The following ODAM variants were observed in gnomAD, a reference collection of about 807,000 sequenced individuals.
The protein encoded by ODAM is odontogenic, ameloblast associated.
ODAM carries 55 observed loss-of-function variants against 48.5 expected under a neutral mutation model. That is an observed-to-expected ratio of 1.13 (90% CI 0.91 to 1.42). The LOEUF (loss-of-function observed/expected upper bound fraction) is 1.42. Ranked by LOEUF, ODAM falls within the 40% of genes most tolerant of loss-of-function variation. ODAM has a pLI of 0.00. For missense variants in ODAM, 353 were observed against 323.6 expected (o/e 1.09, Z -0.70); for synonymous variants, 127 against 107.8 (o/e 1.18, Z -1.10).
In ODAM at chr4:70,198,558, TATA is replaced by T. The variant is rs1315150392; in HGVS notation, c.376-18_376-16del. The T allele has an allele frequency of 3.2e-6, 5 of 1,571,902 alleles. No individual in the cohort carries two copies. Among genetic ancestry groups the T allele is most frequent in the Non-Finnish European group, 4.3e-6 (5 of 1,158,296 alleles). The stretch of plus-strand genomic sequence containing the variant: ...TAACAAAGTCAAGCATACATTTTTA[TATA>T]ATTCTTTTTTTTGGCAGGTGATGCC... On this transcript the variant is annotated intron_variant, in intron 5 of 11. Coordinates refer to ENST00000683306, the MANE Select transcript of ODAM (RefSeq NM_017855.4).
chr4:70,200,361 C>T lies in ODAM; in HGVS notation c.424-136C>T, dbSNP rs941272718. 4 of 544,096 alleles carry T rather than the reference C, an allele frequency of 7.4e-6. No homozygotes were observed. The African/African-American group carries it at 7.8e-5, about 11-fold the overall frequency. The allele number at this position is 544,096 out of a possible 1,614,324, so 33.7% of individuals were successfully genotyped here. ...CAAAGTTTGGGAAGGGATTCTTCAT[C>T]TATTTGCTTTGTATTTAATCATATA... is the stretch of plus-strand genomic sequence containing the variant. On this transcript the variant is annotated intron_variant, in intron 6 of 11. Coordinates refer to ENST00000683306, the MANE Select transcript of ODAM (RefSeq NM_017855.4).
At chr4:70,202,487 T>C (rs1729522281) in intron 9 of ODAM, among the ~76,000 whole-genome samples, 158 bp downstream of exon 9, 1 of 151,982 alleles carries the variant, frequency 6.6e-6, no homozygotes, top group Non-Finnish European at 1.5e-5. Flanking sequence ...TTCAGTTCAC[T>C]CTTACTCAGT....
chr4:70,201,983 C>T (rs1729503327), intron 8 of ODAM, among the ~76,000 whole-genome samples: 1 of 151,742 alleles, frequency 6.6e-6, no homozygotes, highest in Admixed American at 6.6e-5. Context: ...TTTTTCCACC[C>T]CTTCTGATGT....
intron 6 of ODAM, among the ~76,000 whole-genome samples, chr4:70,199,407 G>A (rs1055729962): frequency 2.0e-5 from 3 of 151,912 alleles, no homozygotes; most frequent in Non-Finnish European, 4.4e-5. Flanking sequence ...GTTACTTCTA[G>A]ACATTATCTC....
chr4:70,200,129 G>C lies in ODAM; in HGVS notation c.424-368G>C, dbSNP rs151049157. On this transcript the variant is annotated intron_variant, in intron 6 of 11. Coordinates refer to ENST00000683306, the MANE Select transcript of ODAM (RefSeq NM_017855.4). The stretch of plus-strand genomic sequence containing the variant: ...CATCTAATACCACATTCTGCAGAAT[G>C]ATGATTCTCAAAAATATAGGGTAAG... 3,510 of 445,916 alleles carry C rather than the reference G, an allele frequency of 7.9e-3. 24 individuals are homozygous for C. Among genetic ancestry groups the C allele is most frequent in the Middle Eastern group, 0.013 (38 of 3,024 alleles). 27.6% of individuals were successfully genotyped at this position (445,916 alleles called of 1,614,324 possible). A position where few individuals can be genotyped will look rare whatever the true frequency, so the allele number is the denominator to read the frequency against.
In ODAM at chr4:70,196,556, A is replaced by G; in HGVS notation, c.13A>G (p.Ile5Val). Reference protein sequence around the residue: MKIIILLGFLGATLS... With the variant: MKIIVLLGFLGATLS... ...ATATCATACGAAAATGAAAATTATA[A>G]TTCTTCTTGGATTCCTGGGAGCCAC... The change falls in exon 2 of 12, where the codon ATT becomes GTT. Residue 5 changes from isoleucine (I) to valine (V), a missense_variant. Ile to Val is a conservative substitution (Grantham distance 29, BLOSUM62 3). Transcript: ENST00000683306. 2 of 1,587,548 alleles carry G rather than the reference A, an allele frequency of 1.3e-6. No homozygotes were observed. The highest frequency in any genetic ancestry group is 1.7e-6 in the Non-Finnish European group (2 of 1,160,884).
In ODAM at chr4:70,202,822, G is replaced by A; in HGVS notation, c.715G>A (p.Val239Ile). 1 of 1,612,054 alleles carries A rather than the reference G, an allele frequency of 6.2e-7. No individual in the cohort carries two copies. The highest frequency in any genetic ancestry group is 8.5e-7 in the Non-Finnish European group (1 of 1,178,808). Residue 239 changes from valine to isoleucine, a missense_variant, in exon 10 of 12, where the codon GTT becomes ATT. By Grantham distance (29) the Val-to-Ile change is conservative. Transcript: ENST00000683306. ...CAACTTTAGACATGACAGTGCAGGA[G>A]TTTTCATGCCCTCAACTTCACCAAA... ...AINFRHDSAG[V>I]FMPSTSPKPS... is the part of the protein sequence containing the mutation.
intron 4 of ODAM, 44 bp from the exon 5 acceptor site, chr4:70,197,880 T>C: frequency 6.6e-7 from 1 of 1,511,164 alleles, no homozygotes. Context: ...TAAATTCTTT[T>C]TGGCATGAAG....
chr4:70,203,107 T>G, intron 10 of ODAM, 49 bp from the exon 11 acceptor site: 1 of 1,476,384 alleles, frequency 6.8e-7, no homozygotes, highest in Non-Finnish European at 9.4e-7. Flanking sequence ...AGAATATAAT[T>G]TAATTTCAAT....
In ODAM at chr4:70,202,659, T is replaced by C. The variant is rs1184558342; in HGVS notation, c.649-97T>C. The C allele has an allele frequency of 4.6e-6, 4 of 862,400 alleles. No homozygotes were observed. The East Asian group carries it at 1.0e-4, about 22-fold the overall frequency. 53.4% of individuals were successfully genotyped at this position (862,400 alleles called of 1,614,324 possible). A position where few individuals can be genotyped will look rare whatever the true frequency, so the allele number is the denominator to read the frequency against. ...AGCAACTCTTTTTTTAATATAATGC[T>C]TTTGTTACATCTCAATCCTGTTGCT... On this transcript the variant is annotated intron_variant, in intron 9 of 11. Transcript: ENST00000683306.
intron 7 of ODAM, 132 bp from the exon 8 acceptor site, chr4:70,201,322 C>A (rs1729487884): frequency 1.9e-6 from 1 of 515,254 alleles, no homozygotes; most frequent in Non-Finnish European, 3.4e-6. Flanking sequence ...TTTTTAGTTA[C>A]TGGAACATAT....
Position 70,195,758 on chromosome 4 carries a change from AT to A in ODAM, c.-50del. On this transcript the variant is annotated 5_prime_UTR_variant, in exon 1 of 12. The change abolishes an upstream ATG in the 5' untranslated region. Transcript: ENST00000683306. ...GAGAGGAAAAGAACACAGATCTCGC[AT>A]GGTTCAGATTTTTCTTTTTAGGTCC... is the stretch of plus-strand genomic sequence containing the variant. The A allele has an allele frequency of 1.0e-6, 1 of 984,658 alleles. No homozygotes were observed. The highest frequency in any genetic ancestry group is 1.2e-6 in the Non-Finnish European group (1 of 829,356). 61.0% of individuals were successfully genotyped at this position (984,658 alleles called of 1,614,324 possible). A position where few individuals can be genotyped will look rare whatever the true frequency, so the allele number is the denominator to read the frequency against.
Position 70,196,688 on chromosome 4 carries a change from T to C in ODAM, c.52-4T>C. On this transcript the variant is annotated splice_region_variant and splice_polypyrimidine_tract_variant and intron_variant, in intron 2 of 11. Coordinates refer to ENST00000683306, the MANE Select transcript of ODAM (RefSeq NM_017855.4). ...TCTGATTTTTTTTTCATTTTTACTT[T>C]TAGCTTATCCCACAGCGTCTCATGT... The C allele has an allele frequency of 6.2e-7, 1 of 1,608,196 alleles. No homozygotes were observed. Among genetic ancestry groups the C allele is most frequent in the Non-Finnish European group, 8.5e-7 (1 of 1,177,064 alleles).
rs974486173 is a variant in ODAM, at chr4:70,202,187, C to G, written c.577-71C>G. ...TTGGGAGTGTTTTACTACTCTGGTA[C>G]TCTGGGTGGCCAAAGAGCATATTTT... On this transcript the variant is annotated intron_variant, in intron 8 of 11. Transcript: ENST00000683306. 5.6e-6 allele frequency: 6 copies of G among 1,076,792 alleles called. No homozygotes were observed. The African/African-American group carries it at 9.3e-5, about 17-fold the overall frequency. 66.7% of individuals were successfully genotyped at this position (1,076,792 alleles called of 1,614,324 possible). A position where few individuals can be genotyped will look rare whatever the true frequency, so the allele number is the denominator to read the frequency against.
At position 70,198,565 on chromosome 4, in the gene ODAM, C is replaced by CT. The variant is rs748697196; in HGVS notation, c.376-6dup. 8.3e-5 allele frequency: 131 copies of CT among 1,572,778 alleles called. No homozygotes were observed. The highest frequency in any genetic ancestry group is 3.2e-4 in the East Asian group (14 of 43,924). On this transcript the variant is annotated splice_polypyrimidine_tract_variant and intron_variant, in intron 5 of 11. Coordinates refer to ENST00000683306, the MANE Select transcript of ODAM (RefSeq NM_017855.4). ...GTCAAGCATACATTTTTATATAATTCTTTTTTTTGGCAGGTGATGCCCTAT... is the reference window on the plus strand; with the variant it reads ...GTCAAGCATACATTTTTATATAATTCTTTTTTTTTGGCAGGTGATGCCCTAT...
intron 6 of ODAM, among the ~76,000 whole-genome samples, chr4:70,199,492 T>G (rs2109817546): frequency 6.6e-6 from 1 of 152,102 alleles, no homozygotes; most frequent in Non-Finnish European, 1.5e-5. Flanking sequence ...AGAAACCTAG[T>G]CTTAATGAGA....
chr4:70,202,859 C>G lies in ODAM; in HGVS notation c.752C>G (p.Thr251Ser). The G allele has an allele frequency of 1.2e-6, 2 of 1,612,304 alleles. No individual in the cohort carries two copies. Among genetic ancestry groups the G allele is most frequent in the Non-Finnish European group, 1.7e-6 (2 of 1,179,006 alleles). Residue 251 changes from threonine (T) to serine (S), a missense_variant, in exon 10 of 12, where the codon ACC becomes AGC. Transcript: ENST00000683306. ...TCAACTTCACCAAAACCCAGCACAA[C>G]CAATGTTTTCACTTCTGCTGTAGAC... is the stretch of plus-strand genomic sequence containing the variant. ...MPSTSPKPST[T>S]NVFTSAVDQT...
At chr4:70,203,912 T>C (rs1222939897) in intron 11 of ODAM, among the ~76,000 whole-genome samples, 1 of 151,988 alleles carries the variant, frequency 6.6e-6, no homozygotes, top group Non-Finnish European at 1.5e-5. Context: ...AAAAAGTTTA[T>C]AAAAACACAA....
intron 6 of ODAM, 23 bp downstream of exon 6, chr4:70,198,649 C>G (rs371058530): frequency 1.3e-5 from 21 of 1,587,324 alleles, no homozygotes; most frequent in Non-Finnish European, 1.8e-5. Flanking sequence ...AACAACACTG[C>G]CCATAGAGAT....
Sources: gnomAD v4.1 joint callset for allele counts (sites outside exome capture counted in the v4.1 genomes callset) on GRCh38, gnomAD v4.1.1 for gene constraint, MANE v1.5 for transcripts, NCBI Gene and HGNC (gene_info 2026-07-23, HGNC 2026-07-21) for gene names.